UBE2V1: variants seen among roughly 807,000 people sequenced by gnomAD.
UBE2V1 encodes the protein ubiquitin conjugating enzyme E2 V1, also known as ubiquitin-conjugating enzyme E2 variant 1.
UBE2V1 carries 15 observed loss-of-function variants against 19.6 expected under a neutral mutation model. The ratio of observed to expected loss-of-function variants is 0.77; its 90% CI spans 0.51 to 1.18. The LOEUF (loss-of-function observed/expected upper bound fraction) is 1.18, where lower values mean the gene tolerates loss of function less well. Among genes scored for constraint, UBE2V1 ranks in the 50% most tolerant of loss-of-function variants. UBE2V1 has a pLI of 0.00. For missense variants in UBE2V1, 125 were observed against 184.8 expected (o/e 0.68, Z 1.88); for synonymous variants, 60 against 60.7 (o/e 0.99, Z 0.05).
intron 1 of UBE2V1, among the ~76,000 whole-genome samples, chr20:50,099,548 T>A (rs2079851404): frequency 6.6e-6 from 1 of 152,128 alleles, no homozygotes; most frequent in African/African-American, 2.4e-5. Context: ...GTTATTTGCA[T>A]AACAAAAAAC....
chr20:50,084,374 G>A, intron 2 of UBE2V1, 120 bp from the exon 3 acceptor site: 1 of 1,576,684 alleles, frequency 6.3e-7, no homozygotes, highest in Non-Finnish European at 8.6e-7. Context: ...CCAGCATGGA[G>A]TCTACTTGTT....
At chr20:50,108,885 T>G (rs2080561457) in intron 1 of UBE2V1, 5 of 968,156 alleles carry the variant, frequency 5.2e-6, no homozygotes, top group Non-Finnish European at 6.1e-6. Flanking sequence ...CTGAAACGGG[T>G]AGCAGTAGAC....
At chr20:50,093,385 C>T (rs987375925) in intron 2 of UBE2V1, among the ~76,000 whole-genome samples, 7 of 152,166 alleles carry the variant, frequency 4.6e-5, no homozygotes, top group African/African-American at 7.2e-5. Flanking sequence ...TGTGGATATT[C>T]GAGTTACACA....
Position 50,094,432 on chromosome 20 carries a change from G to A in UBE2V1, c.171+2240C>T, listed in dbSNP as rs1440527114. Among the ~76,000 whole-genome samples the A allele has an allele frequency of 4.0e-5, 6 of 151,086 alleles. No individual in the cohort carries two copies. In the East Asian group the frequency reaches 9.6e-4, roughly 24 times the overall value. On this transcript the variant is annotated intron_variant, in intron 2 of 3. Coordinates refer to ENST00000371674, the MANE Select transcript of UBE2V1 (RefSeq NM_001032288.3). ...TCCACATACAAACCTGTATATAAAT[G>A]TTCCTAGAAGCATTATTTATAATAG...
At chr20:50,104,280 CAAA>C (rs34011542) in intron 1 of UBE2V1, 1,487 of 832,842 alleles carry the variant, frequency 1.8e-3, no homozygotes, top group South Asian at 2.6e-3. Context: ...GACTCCGTCT[CAAA>C]AAAAAAAAAA....
intron 3 of UBE2V1, chr20:50,083,875 G>A: frequency 3.3e-6 from 1 of 298,946 alleles, no homozygotes; most frequent in East Asian, 6.3e-5. Flanking sequence ...CCTCACTGGG[G>A]TGGCATGAGG....
At position 50,082,906 on chromosome 20, in the gene UBE2V1, T is replaced by C. The variant is rs552460846; in HGVS notation, c.306A>G (p.Pro102=). ...ATTTTGCTAGCACTGATATGGCTCT[T>C]GGGTCCACCTACAACAAGGCAAACA... is the stretch of plus-strand genomic sequence containing the variant. ...GVNSSNGVVD[P]RAISVLAKWQ... The change falls in exon 4 of 4, where the codon CCA becomes CCG. Residue 102 remains proline, a synonymous_variant. Transcript: ENST00000371674. 13 of 1,607,486 alleles carry C rather than the reference T, an allele frequency of 8.1e-6. No homozygotes were observed. The highest frequency in any genetic ancestry group is 2.2e-5 in the South Asian group (2 of 90,988).
At chr20:50,092,331 G>GA (rs1308846248) in intron 2 of UBE2V1, among the ~76,000 whole-genome samples, 2 of 151,984 alleles carry the variant, frequency 1.3e-5, no homozygotes, top group African/African-American at 2.4e-5. Context: ...CAAAAAAACA[G>GA]AAAAAACACT....
intron 1 of UBE2V1, chr20:50,104,267 C>G: frequency 1.6e-5 from 15 of 962,010 alleles, no homozygotes; most frequent in Non-Finnish European, 1.8e-5. Context: ...GGCAATAGGG[C>G]CAGACTCCGT....
At chr20:50,113,220 T>G (rs1464848726), upstream of UBE2V1, 7 of 1,003,986 alleles carry the variant, frequency 7.0e-6, no homozygotes, top group African/African-American at 1.7e-5. Context: ...CGCACGCACA[T>G]ACGCCGCCGC....
chr20:50,108,343 C>T (rs2080524870), intron 1 of UBE2V1, among the ~76,000 whole-genome samples: 2 of 152,134 alleles, frequency 1.3e-5, no homozygotes, highest in African/African-American at 2.4e-5. Flanking sequence ...GGAAAGACTA[C>T]TACTTGAGAG....
At chr20:50,088,013 C>T (rs1377837378) in intron 2 of UBE2V1, among the ~76,000 whole-genome samples, 4 of 151,466 alleles carry the variant, frequency 2.6e-5, no homozygotes, top group African/African-American at 9.7e-5. Flanking sequence ...CTACTTTGTC[C>T]ATTAGGCACT....
intron 1 of UBE2V1, among the ~76,000 whole-genome samples, chr20:50,103,275 C>T (rs894493802): frequency 2.0e-5 from 3 of 152,108 alleles, no homozygotes; most frequent in African/African-American, 4.8e-5. Context: ...GAATGAACAA[C>T]GCTCAATGTC....
At chr20:50,084,523 GT>G in intron 2 of UBE2V1, 1 of 563,964 alleles carries the variant, frequency 1.8e-6, no homozygotes, top group Non-Finnish European at 3.3e-6. Flanking sequence ...AGAGGGACCT[GT>G]TTTTATGTTA....
intron 2 of UBE2V1, 75 bp from the exon 3 acceptor site, chr20:50,084,329 A>G: frequency 6.2e-7 from 1 of 1,605,624 alleles, no homozygotes; most frequent in Non-Finnish European, 8.5e-7. Context: ...GTGAAACCCC[A>G]TTTATCCCTG....
At chr20:50,106,294 G>A (rs1482475176) in intron 1 of UBE2V1, among the ~76,000 whole-genome samples, 2 of 152,144 alleles carry the variant, frequency 1.3e-5, no homozygotes, top group East Asian at 1.9e-4. Context: ...AGCAGTTGCA[G>A]GATATTACAA....
At chr20:50,113,009 C>T (rs1056258076) in intron 1 of UBE2V1, 98 bp downstream of exon 1, 30 of 495,332 alleles carry the variant, frequency 6.1e-5, no homozygotes, top group Non-Finnish European at 9.3e-5. Flanking sequence ...AGAGGCGGCG[C>T]GGGGACCCTG....
At chr20:50,099,139 G>C (rs1346804678) in intron 1 of UBE2V1, among the ~76,000 whole-genome samples, 1 of 152,170 alleles carries the variant, frequency 6.6e-6, no homozygotes, top group Non-Finnish European at 1.5e-5. Context: ...TAATAAAAAT[G>C]AACATCAAAA....
chr20:50,093,302 G>C (rs1044523139), intron 2 of UBE2V1, among the ~76,000 whole-genome samples: 2 of 152,212 alleles, frequency 1.3e-5, no homozygotes, highest in African/African-American at 2.4e-5. Flanking sequence ...ATGTTCTTTT[G>C]AGTAAAACAA....
Sources: gnomAD v4.1 joint callset for allele counts (sites outside exome capture counted in the v4.1 genomes callset) on GRCh38, gnomAD v4.1.1 for gene constraint, MANE v1.5 for transcripts, NCBI Gene and HGNC (gene_info 2026-07-23, HGNC 2026-07-21) for gene names.